Variants in UBL3 observed in about 807,000 individuals in gnomAD.
UBL3 encodes the protein ubiquitin like 3.
UBL3 carries 6 observed loss-of-function variants against 18.4 expected under a neutral mutation model. The ratio of observed to expected loss-of-function variants is 0.33; its 90% CI spans 0.18 to 0.64. The LOEUF (loss-of-function observed/expected upper bound fraction) is 0.64. Ranked by LOEUF, UBL3 falls within the 30% of genes least tolerant of loss-of-function variation. The pLI is 0.76. For missense variants in UBL3, 109 were observed against 142.9 expected, an observed-to-expected ratio of 0.76 and a Z score of 1.21; for synonymous variants, 49 against 46.6, an observed-to-expected ratio of 1.05 and a Z score of -0.21.
chr13:29,829,124 T>A (rs1168379949), intron 1 of UBL3, among the ~76,000 whole-genome samples: 1 of 152,148 alleles, frequency 6.6e-6, no homozygotes, highest in Non-Finnish European at 1.5e-5. Context: ...CCCAGTAGGC[T>A]ACTAGGGGGT....
At chr13:29,837,309 T>A (rs900174617) in intron 1 of UBL3, among the ~76,000 whole-genome samples, 4 of 152,020 alleles carry the variant, frequency 2.6e-5, no homozygotes, top group African/African-American at 9.7e-5. Flanking sequence ...GTTAATATAC[T>A]CAAGAAAACA....
At chr13:29,814,270 A>G (rs1476103488) in intron 1 of UBL3, among the ~76,000 whole-genome samples, 1 of 152,086 alleles carries the variant, frequency 6.6e-6, no homozygotes, top group African/African-American at 2.4e-5. Flanking sequence ...TACAAATTTT[A>G]CTCATCAGTC....
intron 1 of UBL3, among the ~76,000 whole-genome samples, chr13:29,841,814 C>G (rs561860800): frequency 6.6e-6 from 1 of 152,262 alleles, no homozygotes; most frequent in East Asian, 1.9e-4. Context: ...CTCTCTGAAC[C>G]TAGGCTGTGA....
chr13:29,803,929 C>T (rs1877836075), intron 1 of UBL3, among the ~76,000 whole-genome samples: 1 of 151,776 alleles, frequency 6.6e-6, no homozygotes, highest in South Asian at 2.1e-4. Context: ...TGATACTTGA[C>T]CAAAAAAGAC....
chr13:29,791,974 G>A (rs558202365), intron 1 of UBL3, among the ~76,000 whole-genome samples: 2 of 152,160 alleles, frequency 1.3e-5, no homozygotes, highest in Admixed American at 1.3e-4. Flanking sequence ...TTTATTATGC[G>A]TATGTGGCTA....
intron 1 of UBL3, among the ~76,000 whole-genome samples, chr13:29,805,826 T>G (rs1048170931): frequency 6.6e-6 from 1 of 152,188 alleles, no homozygotes; most frequent in Non-Finnish European, 1.5e-5. Context: ...ACTAAGGATT[T>G]CCAGAAAACT....
At chr13:29,842,245 C>T (rs765592598) in intron 1 of UBL3, among the ~76,000 whole-genome samples, 2 of 151,512 alleles carry the variant, frequency 1.3e-5, no homozygotes, top group African/African-American at 4.9e-5. Flanking sequence ...GCAACCTCCA[C>T]CTCCTGGGTT....
chr13:29,817,847 G>A (rs1878324663), intron 1 of UBL3, among the ~76,000 whole-genome samples: 1 of 152,164 alleles, frequency 6.6e-6, no homozygotes, highest in South Asian at 2.1e-4. Flanking sequence ...ATAAACAAGT[G>A]CTTTCTCTGT....
At chr13:29,805,970 GTT>G (rs1310244686) in intron 1 of UBL3, among the ~76,000 whole-genome samples, 1 of 152,188 alleles carries the variant, frequency 6.6e-6, no homozygotes, top group Non-Finnish European at 1.5e-5. Context: ...GAAGTCAGGA[GTT>G]TGAGACCAGC....
At chr13:29,846,968 G>A (rs1879242732) in intron 1 of UBL3, among the ~76,000 whole-genome samples, 1 of 152,226 alleles carries the variant, frequency 6.6e-6, no homozygotes, top group Non-Finnish European at 1.5e-5. Flanking sequence ...TGGGAGTGGT[G>A]AGAGGAGCTC....
chr13:29,779,262 G>T (rs1877082026), intron 1 of UBL3: 1 of 502,692 alleles, frequency 2.0e-6, no homozygotes, highest in Non-Finnish European at 4.0e-6. Context: ...ACTACTCATG[G>T]TTTTCTCTTA....
intron 1 of UBL3, among the ~76,000 whole-genome samples, chr13:29,781,747 A>G (rs1295509260): frequency 6.6e-6 from 1 of 150,514 alleles, no homozygotes; most frequent in Non-Finnish European, 1.5e-5. Flanking sequence ...ACTTTGGGAG[A>G]CTGAAGCAGG....
Position 29,823,557 on chromosome 13 carries a change from T to C in UBL3, c.27+25955A>G, listed in dbSNP as rs896219181. ...CTTTAGGAACCACTGGTCAAGTACATTGAGAAATCACAGAAAGAATAAATG... is the reference window on the plus strand; with the variant it reads ...CTTTAGGAACCACTGGTCAAGTACACTGAGAAATCACAGAAAGAATAAATG... On this transcript the variant is annotated intron_variant, in intron 1 of 4. Transcript: ENST00000380680. Among the ~76,000 whole-genome samples the C allele has an allele frequency of 3.0e-4, 46 of 152,202 alleles. 1 individual carries two copies. Among genetic ancestry groups the C allele is most frequent in the Admixed American group, 3.9e-4 (6 of 15,282 alleles).
At chr13:29,807,094 T>C (rs953110257) in intron 1 of UBL3, among the ~76,000 whole-genome samples, 1 of 152,204 alleles carries the variant, frequency 6.6e-6, no homozygotes, top group African/African-American at 2.4e-5. Context: ...GGCATTTGAA[T>C]CTGAAAGTTT....
At chr13:29,776,934 C>CAGA (rs1442676349) in intron 2 of UBL3, among the ~76,000 whole-genome samples, 1 of 134,090 alleles carries the variant, frequency 7.5e-6, no homozygotes, top group East Asian at 2.2e-4. Context: ...AGTTCTAAGA[C>CAGA]AGAAGCAGAG....
chr13:29,798,392 C>G (rs897961715), intron 1 of UBL3, among the ~76,000 whole-genome samples: 2 of 151,982 alleles, frequency 1.3e-5, no homozygotes, highest in Non-Finnish European at 2.9e-5. Flanking sequence ...TAAAGTATGT[C>G]AATAAAATCC....
At chr13:29,804,006 T>C (rs1178969853) in intron 1 of UBL3, among the ~76,000 whole-genome samples, 2 of 151,792 alleles carry the variant, frequency 1.3e-5, no homozygotes, top group African/African-American at 2.4e-5. Context: ...TTCTTCAGAA[T>C]ATACATTCTT....
intron 2 of UBL3, among the ~76,000 whole-genome samples, chr13:29,775,943 T>A (rs1301159521): frequency 6.6e-6 from 1 of 151,724 alleles, no homozygotes; most frequent in African/African-American, 2.4e-5. Context: ...AAAAAAAAAA[T>A]CAAAGAAAAT....
intron 1 of UBL3, among the ~76,000 whole-genome samples, chr13:29,842,930 C>T (rs980086676): frequency 2.0e-5 from 3 of 152,150 alleles, no homozygotes; most frequent in African/African-American, 7.2e-5. Context: ...ACTCAGACAC[C>T]ATTTGCTCAT....
Sources: gnomAD v4.1 joint callset for allele counts (sites outside exome capture counted in the v4.1 genomes callset) on GRCh38, gnomAD v4.1.1 for gene constraint, MANE v1.5 for transcripts, NCBI Gene and HGNC (gene_info 2026-07-23, HGNC 2026-07-21) for gene names.